TSPYL5: variants seen among roughly 807,000 people sequenced by gnomAD.
The protein encoded by TSPYL5 is testis-specific Y-encoded-like protein 5.
For synonymous variants in TSPYL5, 276 were observed against 236.1 expected (o/e 1.17, Z -1.55); for missense variants, 556 against 555.5 (o/e 1.00, Z -0.01).
chr8:97,276,852 G>A lies in TSPYL5; in HGVS notation c.993C>T (p.Leu331=). The change falls in exon 1 of 1, where the codon CTC becomes CTT. Residue 331 remains leucine (L), a synonymous_variant. Transcript: ENST00000322128. The part of the protein sequence containing the change: ...VVSRSTPIQW[L]PGHDLQSLSQ... ...TTAGGGACTGGAGATCATGCCCTGG[G>A]AGCCACTGGATTGGAGTAGAACGAG... 1.2e-6 allele frequency: 2 copies of A among 1,614,134 alleles called. No individual in the cohort carries two copies. The highest frequency in any genetic ancestry group is 1.7e-6 in the Non-Finnish European group (2 of 1,180,026).
rs1340611033 is a variant in TSPYL5, at chr8:97,274,130, A to G, written c.*2461T>C. The G allele has an allele frequency of 2.0e-5, 3 of 152,260 alleles. No homozygotes were observed. Among genetic ancestry groups the G allele is most frequent in the Admixed American group, 2.0e-4 (3 of 15,298 alleles). 9.4% of individuals were successfully genotyped at this position (152,260 alleles called of 1,614,324 possible). ...GATGAAACCAGGTTGACCATAGCTG[A>G]TAAGTGATGCAGCTAGGTGATGGAC... On this transcript the variant is annotated 3_prime_UTR_variant, in exon 1 of 1. Transcript: ENST00000322128.
Position 97,273,828 on chromosome 8 carries a change from GTCTC to G in TSPYL5, c.*2759_*2762del, listed in dbSNP as rs1348752299. On this transcript the variant is annotated 3_prime_UTR_variant, in exon 1 of 1. Coordinates refer to ENST00000322128, the MANE Select transcript of TSPYL5 (RefSeq NM_033512.3). ...TTTGAAAGAGTTTTACAACAGAACAGTCTCTCTCTTGTTTTGTAGATGCAAGGGA... is the reference window on the plus strand; with the variant it reads ...TTTGAAAGAGTTTTACAACAGAACAGTCTCTTGTTTTGTAGATGCAAGGGA... 1 of 152,216 alleles carries G rather than the reference GTCTC, an allele frequency of 6.6e-6. No homozygotes were observed. The highest frequency in any genetic ancestry group is 1.9e-4 in the East Asian group (1 of 5,202). 9.4% of individuals were successfully genotyped at this position (152,216 alleles called of 1,614,324 possible).
In TSPYL5 at chr8:97,274,760, G is replaced by A. The variant is rs1338884784; in HGVS notation, c.*1831C>T. 6.6e-6 allele frequency: 1 copy of A among 152,202 alleles called. No homozygotes were observed. Among genetic ancestry groups the A allele is most frequent in the Non-Finnish European group, 1.5e-5 (1 of 68,084 alleles). 9.4% of individuals were successfully genotyped at this position (152,202 alleles called of 1,614,324 possible). A position where few individuals can be genotyped will look rare whatever the true frequency, so the allele number is the denominator to read the frequency against. On this transcript the variant is annotated 3_prime_UTR_variant, in exon 1 of 1. Transcript: ENST00000322128. ...CAAAAGAGAAGGTAGGGAAGAACAG[G>A]TGTAGATACAGTCCTTCTTACCCAC...
Position 97,276,514 on chromosome 8 carries a change from G to A in TSPYL5, c.*77C>T. 1 of 1,523,514 alleles carries A rather than the reference G, an allele frequency of 6.6e-7. No individual in the cohort carries two copies. The highest frequency in any genetic ancestry group is 8.8e-7 in the Non-Finnish European group (1 of 1,130,506). The allele number at this position is 1,523,514 out of a possible 1,614,324, so 94.4% of individuals were successfully genotyped here. ...GTCTATAGTACACAGAGGCCAACAT[G>A]AAGAGAAGGCAGAGAGCCAAATATG... On this transcript the variant is annotated 3_prime_UTR_variant, in exon 1 of 1. Coordinates refer to ENST00000322128, the MANE Select transcript of TSPYL5 (RefSeq NM_033512.3).
Position 97,277,280 on chromosome 8 carries a change from T to G in TSPYL5, c.565A>C (p.Arg189=), listed in dbSNP as rs1810539138. The change falls in exon 1 of 1, where the codon AGG becomes CGG. Residue 189 remains arginine (R), a synonymous_variant. Transcript: ENST00000322128. This position sits in a 1 kb window ranked among gnomAD's most constrained non-coding sequence, Gnocchi z 4.5. ...GCTGGGGGCCCCGACCCTGCATCCC[T>G]CTCTTCCTTCTTTTCCTCCCCAGCT... ...VSAGEEKKEE[R]DAGSGPPATE... is the part of the protein sequence containing the mutation. The G allele has an allele frequency of 2.5e-6, 4 of 1,613,488 alleles. No homozygotes were observed. Among genetic ancestry groups the G allele is most frequent in the Non-Finnish European group, 3.4e-6 (4 of 1,179,612 alleles).
chr8:97,277,651 G>T lies in TSPYL5; in HGVS notation c.194C>A (p.Ala65Asp). Reference sequence around the variant, plus strand: ...GAGCCGGAGGAGCTGCGCGGACGCAGCGGCTTCCAGGCCACCCCACCCCGC... The same window carrying T: ...GAGCCGGAGGAGCTGCGCGGACGCATCGGCTTCCAGGCCACCCCACCCCGC... ...AGAGWGGLEA[A>D]ASAQLLRLGE... is the part of the protein sequence containing the mutation. Residue 65 changes from alanine to aspartate, a missense_variant, in exon 1 of 1, where the codon GCT (alanine) becomes GAT (aspartate). By Grantham distance (126) the Ala-to-Asp change is moderately radical (BLOSUM62 -2). Transcript: ENST00000322128. This position sits in a 1 kb window ranked among gnomAD's most constrained non-coding sequence, Gnocchi z 4.5. 2 of 1,468,284 alleles carry T rather than the reference G, an allele frequency of 1.4e-6. No homozygotes were observed. Among genetic ancestry groups the T allele is most frequent in the South Asian group, 1.4e-5 (1 of 70,930 alleles). 91.0% of individuals were successfully genotyped at this position (1,468,284 alleles called of 1,614,324 possible).
At position 97,277,698 on chromosome 8, in the gene TSPYL5, C is replaced by T. The variant is rs1434743602; in HGVS notation, c.147G>A (p.Gln49=). Residue 49 remains glutamine, a synonymous_variant, in exon 1 of 1, where the codon CAG becomes CAA. Transcript: ENST00000322128. The surrounding 1 kb of genome is among the most constrained non-coding windows in gnomAD (Gnocchi z 4.5). The part of the protein sequence containing the change: ...SQYQSLGEDT[Q]AAQVQAGAGW... Reference sequence around the variant, plus strand: ...CCGCGCCAGCCTGCACCTGTGCCGCCTGGGTGTCTTCCCCGAGACTCTGGT... The same window carrying T: ...CCGCGCCAGCCTGCACCTGTGCCGCTTGGGTGTCTTCCCCGAGACTCTGGT... 1.3e-6 allele frequency: 2 copies of T among 1,556,372 alleles called. No individual in the cohort carries two copies. The highest frequency in any genetic ancestry group is 1.7e-6 in the Non-Finnish European group (2 of 1,155,228).
At position 97,276,941 on chromosome 8, in the gene TSPYL5, G is replaced by C; in HGVS notation, c.904C>G (p.Pro302Ala). Residue 302 changes from proline to alanine, a missense_variant, in exon 1 of 1, where the codon CCG becomes GCG. Transcript: ENST00000322128. Reference sequence around the variant, plus strand: ...ATGAGCACCTTATTTTGGAAATACGGGTTGCGATCGAAGTAGAACTTGATT... The same window carrying C: ...ATGAGCACCTTATTTTGGAAATACGCGTTGCGATCGAAGTAGAACTTGATT... ...YKIKFYFDRN[P>A]YFQNKVLIKE... The C allele has an allele frequency of 3.1e-6, 5 of 1,614,182 alleles. No homozygotes were observed. Among genetic ancestry groups the C allele is most frequent in the Non-Finnish European group, 3.4e-6 (4 of 1,180,034 alleles).
In TSPYL5 at chr8:97,277,528, G is replaced by A. The variant is rs539109255; in HGVS notation, c.317C>T (p.Pro106Leu). 8 of 1,505,354 alleles carry A rather than the reference G, an allele frequency of 5.3e-6. No individual in the cohort carries two copies. Among genetic ancestry groups the A allele is most frequent in the South Asian group, 1.3e-5 (1 of 74,366 alleles). 93.2% of individuals were successfully genotyped at this position (1,505,354 alleles called of 1,614,324 possible). Residue 106 changes from proline to leucine, a missense_variant, in exon 1 of 1, where the codon CCG becomes CTG. By Grantham distance (98) the Pro-to-Leu change is moderately conservative. Transcript: ENST00000322128. This position sits in a 1 kb window ranked among gnomAD's most constrained non-coding sequence, Gnocchi z 4.5. Reference protein sequence around the residue: ...DHGQAAARPGPGKAASLSERL... With the variant: ...DHGQAAARPGLGKAASLSERL... ...CTCCGAGAGAGATGCGGCCTTCCCC[G>A]GGCCGGGCCTGGCCGCGGCCTGCCC...
rs937411869 is a variant in TSPYL5, at chr8:97,275,077, C to T, written c.*1514G>A. Reference sequence around the variant, plus strand: ...GTCTTAGGAAGCATTAAAACAAAGTCAAAACAAGAGTAAACACTAGTCTAT... The same window carrying T: ...GTCTTAGGAAGCATTAAAACAAAGTTAAAACAAGAGTAAACACTAGTCTAT... On this transcript the variant is annotated 3_prime_UTR_variant, in exon 1 of 1. Transcript: ENST00000322128. 2 of 152,340 alleles carry T rather than the reference C, an allele frequency of 1.3e-5. No individual in the cohort carries two copies. Among genetic ancestry groups the T allele is most frequent in the Admixed American group, 1.3e-4 (2 of 15,270 alleles). 9.4% of individuals were successfully genotyped at this position (152,340 alleles called of 1,614,324 possible).
At position 97,274,569 on chromosome 8, in the gene TSPYL5, C is replaced by A. The variant is rs1356833719; in HGVS notation, c.*2022G>T. On this transcript the variant is annotated 3_prime_UTR_variant, in exon 1 of 1. Transcript: ENST00000322128. ...ACTCTATCACTGAGAGACAGGCATG[C>A]TCCCCCTGCGGCTTCTCAAGCCATT... is the stretch of plus-strand genomic sequence containing the variant. The A allele has an allele frequency of 1.3e-5, 2 of 151,464 alleles. No individual in the cohort carries two copies. The highest frequency in any genetic ancestry group is 2.9e-5 in the Non-Finnish European group (2 of 68,010). The allele number at this position is 151,464 out of a possible 1,614,324, so 9.4% of individuals were successfully genotyped here.
Position 97,274,127 on chromosome 8 carries a change from C to T in TSPYL5, c.*2464G>A, listed in dbSNP as rs973112759. On this transcript the variant is annotated 3_prime_UTR_variant, in exon 1 of 1. Coordinates refer to ENST00000322128, the MANE Select transcript of TSPYL5 (RefSeq NM_033512.3). ...ACAGATGAAACCAGGTTGACCATAG[C>T]TGATAAGTGATGCAGCTAGGTGATG... 7 of 151,812 alleles carry T rather than the reference C, an allele frequency of 4.6e-5. No individual in the cohort carries two copies. The highest frequency in any genetic ancestry group is 1.7e-4 in the African/African-American group (7 of 41,284). 9.4% of individuals were successfully genotyped at this position (151,812 alleles called of 1,614,324 possible). A position where few individuals can be genotyped will look rare whatever the true frequency, so the allele number is the denominator to read the frequency against.
rs770821873 is a variant in TSPYL5, at chr8:97,277,417, C to T, written c.428G>A (p.Gly143Asp). Residue 143 changes from glycine to aspartate, a missense_variant, in exon 1 of 1, where the codon GGC (glycine) becomes GAC (aspartate). Transcript: ENST00000322128. The surrounding 1 kb of genome is among the most constrained non-coding windows in gnomAD (Gnocchi z 4.5). Reference sequence around the variant, plus strand: ...TTCTGGGGCCTTCTTCCCGGCAGGGCCACGCCGGTTTCCAACGCGGGGGGC... The same window carrying T: ...TTCTGGGGCCTTCTTCCCGGCAGGGTCACGCCGGTTTCCAACGCGGGGGGC... Reference protein sequence around the residue: ...KNAPRVGNRRGPAGKKAPETC... With the variant: ...KNAPRVGNRRDPAGKKAPETC... 5.1e-6 allele frequency: 8 copies of T among 1,563,168 alleles called. No homozygotes were observed. Among genetic ancestry groups the T allele is most frequent in the Non-Finnish European group, 6.9e-6 (8 of 1,157,994 alleles).
chr8:97,277,919 G>C lies in TSPYL5; in HGVS notation c.-75C>G, dbSNP rs900044943. Reference sequence around the variant, plus strand: ...GACGCCAGCTCTCGGTCGGGACCGAGCGGGTCTCTCCACGGCAACCGCCGA... The same window carrying C: ...GACGCCAGCTCTCGGTCGGGACCGACCGGGTCTCTCCACGGCAACCGCCGA... On this transcript the variant is annotated 5_prime_UTR_variant, in exon 1 of 1. Coordinates refer to ENST00000322128, the MANE Select transcript of TSPYL5 (RefSeq NM_033512.3). The surrounding 1 kb of genome is among the most constrained non-coding windows in gnomAD (Gnocchi z 4.5). The C allele has an allele frequency of 3.0e-5, 39 of 1,306,236 alleles. No individual in the cohort carries two copies. In the African/African-American group the frequency reaches 4.3e-4, roughly 14 times the overall value. The allele number at this position is 1,306,236 out of a possible 1,614,324, so 80.9% of individuals were successfully genotyped here.
In TSPYL5 at chr8:97,277,197, G is replaced by C. The variant is rs765157777; in HGVS notation, c.648C>G (p.Asn216Lys). Residue 216 changes from asparagine to lysine, a missense_variant, in exon 1 of 1, where the codon AAC becomes AAG. Coordinates refer to ENST00000322128, the MANE Select transcript of TSPYL5 (RefSeq NM_033512.3). This position sits in a 1 kb window ranked among gnomAD's most constrained non-coding sequence, Gnocchi z 4.5. ...GAAGGTAGGCCCTGTCCGCCTGGGC[G>C]TTCATGTTCTCCAGCTTCAGCTGCA... ...ENVQLKLENMNAQADRAYLRL... is the reference protein window; with the variant it reads ...ENVQLKLENMKAQADRAYLRL... 10 of 1,612,838 alleles carry C rather than the reference G, an allele frequency of 6.2e-6. No homozygotes were observed. Among genetic ancestry groups the C allele is most frequent in the East Asian group, 2.2e-5 (1 of 44,888 alleles).
Position 97,277,712 on chromosome 8 carries a change from C to G in TSPYL5, c.133G>C (p.Gly45Arg), listed in dbSNP as rs1044307433. Reference sequence around the variant, plus strand: ...ACCTGTGCCGCCTGGGTGTCTTCCCCGAGACTCTGGTACTGTGAAGGGTCC... The same window carrying G: ...ACCTGTGCCGCCTGGGTGTCTTCCCGGAGACTCTGGTACTGTGAAGGGTCC... ...DPDPSQYQSL[G>R]EDTQAAQVQA... Residue 45 changes from glycine (G) to arginine (R), a missense_variant, in exon 1 of 1, where the codon GGG becomes CGG. Transcript: ENST00000322128. The surrounding 1 kb of genome is among the most constrained non-coding windows in gnomAD (Gnocchi z 4.5). The G allele has an allele frequency of 1.3e-6, 2 of 1,561,230 alleles. No individual in the cohort carries two copies. The highest frequency in any genetic ancestry group is 1.4e-5 in the African/African-American group (1 of 70,836).
At position 97,276,874 on chromosome 8, in the gene TSPYL5, C is replaced by A. The variant is rs148712696; in HGVS notation, c.971G>T (p.Arg324Leu). 2.4e-5 allele frequency: 38 copies of A among 1,614,014 alleles called. No homozygotes were observed. Among genetic ancestry groups the A allele is most frequent in the Non-Finnish European group, 3.1e-5 (37 of 1,180,038 alleles). Reference sequence around the variant, plus strand: ...TGGGAGCCACTGGATTGGAGTAGAACGAGACACCACCTGGCCAGAAGGACC... The same window carrying A: ...TGGGAGCCACTGGATTGGAGTAGAAAGAGACACCACCTGGCCAGAAGGACC... ...GCGPSGQVVS[R>L]STPIQWLPGH... is the part of the protein sequence containing the mutation. The change falls in exon 1 of 1, where the codon CGT becomes CTT. Residue 324 changes from arginine to leucine, a missense_variant. Arg to Leu is a moderately radical substitution (Grantham distance 102). Coordinates refer to ENST00000322128, the MANE Select transcript of TSPYL5 (RefSeq NM_033512.3).
rs1810529203 is a variant in TSPYL5 at position 97,276,931 on chromosome 8, T to C, written c.914A>G (p.Gln305Arg). 6.2e-7 allele frequency: 1 copy of C among 1,614,186 alleles called. No individual in the cohort carries two copies. The highest frequency in any genetic ancestry group is 8.5e-7 in the Non-Finnish European group (1 of 1,180,030). The change falls in exon 1 of 1, where the codon CAA becomes CGA. Residue 305 changes from glutamine (Q) to arginine (R), a missense_variant. Gln to Arg is a conservative substitution (Grantham distance 43, BLOSUM62 1). Transcript: ENST00000322128. ...KFYFDRNPYF[Q>R]NKVLIKEYGC... Reference sequence around the variant, plus strand: ...ATATTCCTTGATGAGCACCTTATTTTGGAAATACGGGTTGCGATCGAAGTA... The same window carrying C: ...ATATTCCTTGATGAGCACCTTATTTCGGAAATACGGGTTGCGATCGAAGTA...
In TSPYL5 at chr8:97,277,766, G is replaced by T; in HGVS notation, c.79C>A (p.Pro27Thr). 14 of 1,525,436 alleles carry T rather than the reference G, an allele frequency of 9.2e-6. No individual in the cohort carries two copies. Among genetic ancestry groups the T allele is most frequent in the Non-Finnish European group, 1.2e-5 (14 of 1,141,176 alleles). The allele number at this position is 1,525,436 out of a possible 1,614,324, so 94.5% of individuals were successfully genotyped here. ...GKGRAKARVR[P>T]APDDAPRDPD... is the part of the protein sequence containing the mutation. ...TCGCGCGGGGCGTCGTCCGGAGCAG[G>T]GCGGACTCGGGCTTTGGCGCGGCCT... The change falls in exon 1 of 1, where the codon CCT (proline) becomes ACT (threonine). Residue 27 changes from proline (P) to threonine (T), a missense_variant. Coordinates refer to ENST00000322128, the MANE Select transcript of TSPYL5 (RefSeq NM_033512.3). The surrounding 1 kb of genome is among the most constrained non-coding windows in gnomAD (Gnocchi z 4.5).
Sources: gnomAD v4.1 joint callset for allele counts on GRCh38, gnomAD v4.1.1 for gene constraint, Gnocchi (gnomAD v3.1) non-coding constraint, MANE v1.5 for transcripts, NCBI Gene and HGNC (gene_info 2026-07-23, HGNC 2026-07-21) for gene names.